Variants in PAM observed in about 807,000 individuals in gnomAD.
The protein encoded by PAM is peptidyl-glycine alpha-amidating monooxygenase.
In PAM, 72 loss-of-function variants were observed where a neutral mutation model predicts 122.1. The observed-to-expected ratio is 0.59, with a 90% CI of 0.49 to 0.72. The LOEUF is 0.72. Among genes scored for constraint, PAM ranks in the 30% least tolerant of loss-of-function variants. The pLI is 0.00. For synonymous variants in PAM, 389 were observed against 404.4 expected (o/e 0.96, Z 0.46); for missense variants, 1,106 against 1,183.7 (o/e 0.93, Z 0.96).
rs77512519 is a variant in PAM, at chr5:102,945,656, C to T, written c.527-1181C>T. The stretch of plus-strand genomic sequence containing the variant: ...AATTTGCCTATCTATTCTTCTCCCC[C>T]CCTCTCTCCTTTTTACTTTTATTCT... On this transcript the variant is annotated intron_variant, in intron 7 of 25. Transcript: ENST00000438793. Among the ~76,000 whole-genome samples the T allele has an allele frequency of 4.0e-3, 607 of 151,970 alleles. 2 individuals are homozygous for T. The highest frequency in any genetic ancestry group is 0.014 in the African/African-American group (571 of 41,452).
intron 14 of PAM, 150 bp downstream of exon 14, chr5:102,961,379 A>G: frequency 2.0e-6 from 1 of 512,738 alleles, no homozygotes; most frequent in Non-Finnish European, 3.6e-6. Context: ...ATAATTCATG[A>G]GAAAATGGTC....
At chr5:102,972,989 A>G (rs1336419692) in intron 14 of PAM, among the ~76,000 whole-genome samples, 1 of 152,210 alleles carries the variant, frequency 6.6e-6, no homozygotes, top group Non-Finnish European at 1.5e-5. Context: ...TTTCTTAATA[A>G]TATATTCTTC....
chr5:102,934,552 T>C (rs928965079), intron 7 of PAM, among the ~76,000 whole-genome samples: 1 of 152,130 alleles, frequency 6.6e-6, no homozygotes, highest in Non-Finnish European at 1.5e-5. Context: ...CAACTCTCCT[T>C]TTTTCTCTCC....
At chr5:103,000,593 T>C (rs1002046316) in intron 16 of PAM, among the ~76,000 whole-genome samples, 17 of 152,150 alleles carry the variant, frequency 1.1e-4, no homozygotes, top group Non-Finnish European at 2.4e-4. Context: ...ATACCCAAGA[T>C]TGGGTAATTT....
chr5:102,756,724 A>G (rs1750449132), intron 1 of PAM, among the ~76,000 whole-genome samples: 1 of 152,172 alleles, frequency 6.6e-6, no homozygotes, highest in South Asian at 2.1e-4. Context: ...TGTTTATACC[A>G]CTGCACTCCA....
chr5:102,784,236 T>G (rs974544370), intron 1 of PAM, among the ~76,000 whole-genome samples: 3 of 152,182 alleles, frequency 2.0e-5, no homozygotes, highest in Non-Finnish European at 2.9e-5. Flanking sequence ...GGTGCTCCTC[T>G]TCTCCCTGTG....
chr5:102,795,997 T>G lies in PAM; in HGVS notation c.-374+40649T>G, dbSNP rs557132000. On this transcript the variant is annotated intron_variant, in intron 1 of 25. Coordinates refer to ENST00000438793, the MANE Select transcript of PAM (RefSeq NM_001177306.2). Reference sequence around the variant, plus strand: ...TTGAAGATTTAGAGGCCTGTGATATTTTGTTTAAAGGCTTCTAAATGATCC... The same window carrying G: ...TTGAAGATTTAGAGGCCTGTGATATGTTGTTTAAAGGCTTCTAAATGATCC... 2.5e-3 allele frequency among the ~76,000 whole-genome samples: 375 copies of G among 152,286 alleles called. 1 individual carries two copies. The highest frequency in any genetic ancestry group is 9.3e-3 in the South Asian group (45 of 4,818).
chr5:102,874,490 C>T (rs1788528694), intron 3 of PAM, among the ~76,000 whole-genome samples: 1 of 151,744 alleles, frequency 6.6e-6, no homozygotes, highest in African/African-American at 2.4e-5. Context: ...ATAATAGAAA[C>T]ATGCTACATA....
At chr5:102,987,356 G>C (rs143055048) in intron 15 of PAM, among the ~76,000 whole-genome samples, 1 of 152,316 alleles carries the variant, frequency 6.6e-6, no homozygotes, top group Non-Finnish European at 1.5e-5. Flanking sequence ...CATGGAGGTA[G>C]AGAATAGAAT....
At chr5:102,866,477 CT>C in intron 2 of PAM, 193 bp downstream of exon 2, 1 of 570,622 alleles carries the variant, frequency 1.8e-6, no homozygotes, top group Non-Finnish European at 3.1e-6. Flanking sequence ...GCAGTTCTGG[CT>C]TTCAAAACTC....
At chr5:102,947,824 T>C (rs1408321280) in intron 8 of PAM, among the ~76,000 whole-genome samples, 3 of 152,050 alleles carry the variant, frequency 2.0e-5, no homozygotes, top group Non-Finnish European at 4.4e-5. Flanking sequence ...CCTGAACCAA[T>C]AGAATAGAGA....
chr5:102,756,770 A>C (rs1172019244), intron 1 of PAM, among the ~76,000 whole-genome samples: 1 of 152,102 alleles, frequency 6.6e-6, no homozygotes, highest in Non-Finnish European at 1.5e-5. Flanking sequence ...TCTCAAAAAT[A>C]AATAATCAGC....
At chr5:102,934,311 T>C (rs1752558466) in intron 7 of PAM, among the ~76,000 whole-genome samples, 1 of 152,170 alleles carries the variant, frequency 6.6e-6, no homozygotes, top group Non-Finnish European at 1.5e-5. Context: ...CAGCCATCAA[T>C]CTGAATCCCC....
chr5:102,886,429 AT>A (rs1470649383), intron 3 of PAM, among the ~76,000 whole-genome samples: 1 of 151,886 alleles, frequency 6.6e-6, no homozygotes, highest in Admixed American at 6.6e-5. Flanking sequence ...GACTGAAATG[AT>A]TTTCCACCCC....
intron 1 of PAM, among the ~76,000 whole-genome samples, chr5:102,853,085 T>C (rs565470423): frequency 7.2e-5 from 11 of 152,330 alleles, no homozygotes; most frequent in South Asian, 2.1e-4. Context: ...CTGATTTCTT[T>C]TGGCAGTTGG....
chr5:102,792,865 C>CCA (rs1049155675), intron 1 of PAM, among the ~76,000 whole-genome samples: 1 of 151,974 alleles, frequency 6.6e-6, no homozygotes, highest in Non-Finnish European at 1.5e-5. Flanking sequence ...CTTTCTGCAG[C>CCA]CACACACACA....
intron 5 of PAM, among the ~76,000 whole-genome samples, chr5:102,921,324 T>A (rs1185969059): frequency 6.6e-6 from 1 of 152,098 alleles, no homozygotes; most frequent in Non-Finnish European, 1.5e-5. Flanking sequence ...CATAGGTCCT[T>A]TTTTTTGGGA....
intron 1 of PAM, among the ~76,000 whole-genome samples, chr5:102,776,856 A>G (rs1282205027): frequency 6.6e-6 from 1 of 152,010 alleles, no homozygotes. Context: ...TTCCTTTTGT[A>G]TGTCACACAT....
At chr5:102,842,647 G>C (rs1778937821) in intron 1 of PAM, among the ~76,000 whole-genome samples, 1 of 152,168 alleles carries the variant, frequency 6.6e-6, no homozygotes, top group African/African-American at 2.4e-5. Context: ...ATTATTAAGA[G>C]AAGTTACCTT....
Sources: gnomAD v4.1 joint callset for allele counts (sites outside exome capture counted in the v4.1 genomes callset) on GRCh38, gnomAD v4.1.1 for gene constraint, MANE v1.5 for transcripts, NCBI Gene and HGNC (gene_info 2026-07-23, HGNC 2026-07-21) for gene names.